Variants in TBC1D8B observed in about 807,000 individuals in gnomAD.
TBC1D8B encodes TBC1 domain family member 8B, also known as RP11-321G1.1.
A neutral mutation model predicts 82.9 loss-of-function variants in TBC1D8B; 75 were observed. That is an observed-to-expected ratio of 0.90 (90% CI 0.75 to 1.10). The LOEUF is 1.10. Ranked by LOEUF, TBC1D8B falls within the 50% of genes least tolerant of loss-of-function variation. The pLI, the probability that TBC1D8B is intolerant of heterozygous loss-of-function variation, is 0.00. For synonymous variants in TBC1D8B, 276 were observed against 276.8 expected (o/e 1.00, Z 0.03); for missense variants, 794 against 796.9 (o/e 1.00, Z 0.04).
chrX:106,857,523 A>G (rs1331080882), intron 14 of TBC1D8B, among the ~76,000 whole-genome samples: 1 of 111,206 alleles, frequency 9.0e-6, no homozygotes, highest in Non-Finnish European at 1.9e-5. Context: ...CACAGGTAAT[A>G]ATGGTACTCA....
In TBC1D8B at chrX:106,818,704, G is replaced by T. The variant is rs899689068; in HGVS notation, c.172G>T (p.Ala58Ser). 15 of 1,206,479 alleles carry T rather than the reference G, an allele frequency of 1.2e-5. No homozygotes were observed. The highest frequency in any genetic ancestry group is 1.7e-5 in the Non-Finnish European group (15 of 893,380). The change falls in exon 2 of 21, where the codon GCT becomes TCT. Residue 58 changes from alanine to serine, a missense_variant. Coordinates refer to ENST00000357242, the MANE Select transcript of TBC1D8B (RefSeq NM_017752.3). ...GTLDSVLDST[A>S]KVAPFRILHQ... ...TCTTGATTCAGTCTTGGACTCTACT[G>T]CTAAAGTAGCTCCATTTCGCATCCT...
At chrX:106,837,119 A>G (rs1932192852) in intron 7 of TBC1D8B, among the ~76,000 whole-genome samples, 1 of 112,239 alleles carries the variant, frequency 8.9e-6, no homozygotes, top group South Asian at 3.7e-4. Flanking sequence ...GTTAATCTTC[A>G]TGATCTTGAA....
Position 106,823,404 on chromosome X carries a change from T to TTTTGATAAGGAAACA in TBC1D8B, c.774_788dup (p.Lys258_Asp262dup), listed in dbSNP as rs1931752067. 1 of 1,208,687 alleles carries TTTTGATAAGGAAACA rather than the reference T, an allele frequency of 8.3e-7. No homozygotes were observed. Among genetic ancestry groups the TTTTGATAAGGAAACA allele is most frequent in the Non-Finnish European group, 1.1e-6 (1 of 894,290 alleles). ...TGGCAAACTATGCCATTAGAAGACTTTTTGATAAGGAAACATTTGATAATG... is the reference window on the plus strand; with the variant it reads ...TGGCAAACTATGCCATTAGAAGACTTTTTGATAAGGAAACATTTGATAAGGAAACATTTGATAATG... On this transcript the variant is annotated inframe_insertion, in exon 5 of 21. Coordinates refer to ENST00000357242, the MANE Select transcript of TBC1D8B (RefSeq NM_017752.3).
In TBC1D8B at chrX:106,875,396, C is replaced by T. The variant is rs1327189976; in HGVS notation, c.*1431C>T. On this transcript the variant is annotated 3_prime_UTR_variant, in exon 21 of 21. Transcript: ENST00000357242. The stretch of plus-strand genomic sequence containing the variant: ...CAAAGCTTAACACATGGGGCTTCAT[C>T]GCTCATAGAATATGTTATTTTCAAA... 1 of 111,659 alleles carries T rather than the reference C, an allele frequency of 9.0e-6. No individual in the cohort carries two copies. The highest frequency in any genetic ancestry group is 2.8e-4 in the East Asian group (1 of 3,556). The allele number at this position is 111,659 out of a possible 1,213,427, so 9.2% of individuals were successfully genotyped here. A position where few individuals can be genotyped will look rare whatever the true frequency, so the allele number is the denominator to read the frequency against.
In TBC1D8B at chrX:106,854,279, A is replaced by G. The variant is rs1425865306; in HGVS notation, c.2335A>G (p.Thr779Ala). Residue 779 changes from threonine to alanine, a missense_variant, in exon 14 of 21, where the codon ACA (threonine) becomes GCA (alanine). Coordinates refer to ENST00000357242, the MANE Select transcript of TBC1D8B (RefSeq NM_017752.3). ...GTATGTGATACAGACCCTAGAGGAA[A>G]CAACAAAACAGAATGTGGTAAGTAT... ...RLYVIQTLEE[T>A]TKQNVLRVVS... 8.5e-7 allele frequency: 1 copy of G among 1,178,669 alleles called. No homozygotes were observed. The highest frequency in any genetic ancestry group is 2.0e-5 in the South Asian group (1 of 50,726).
At chrX:106,815,862 G>C (rs993001406) in intron 1 of TBC1D8B, 3 of 111,321 alleles carry the variant, frequency 2.7e-5, no homozygotes, top group Admixed American at 9.6e-5. Flanking sequence ...ATTCAACAAC[G>C]CTTCATGCTA....
intron 7 of TBC1D8B, among the ~76,000 whole-genome samples, chrX:106,830,254 C>T (rs1335540719): frequency 9.8e-5 from 11 of 111,893 alleles, no homozygotes; most frequent in African/African-American, 3.3e-4. Flanking sequence ...GATACCATCT[C>T]ACACCAGTTA....
chrX:106,825,499 C>G (rs188535752), intron 5 of TBC1D8B, among the ~76,000 whole-genome samples: 39 of 111,929 alleles, frequency 3.5e-4, no homozygotes, highest in Non-Finnish European at 7.0e-4. Flanking sequence ...ATTATTTTAT[C>G]ATACTTCTAC....
At position 106,840,398 on chromosome X, in the gene TBC1D8B, C is replaced by G. The variant is rs892739037; in HGVS notation, c.1504+200C>G. ...TATCCACACATCCAGCATCTGAGCA[C>G]ATTAGTTTATTAGGCAAGATATGTA... On this transcript the variant is annotated intron_variant, in intron 9 of 20. Coordinates refer to ENST00000357242, the MANE Select transcript of TBC1D8B (RefSeq NM_017752.3). Among the ~76,000 whole-genome samples the G allele has an allele frequency of 7.2e-5, 8 of 111,237 alleles. No homozygotes were observed. The East Asian group carries it at 1.7e-3, about 24-fold the overall frequency.
intron 10 of TBC1D8B, among the ~76,000 whole-genome samples, chrX:106,846,191 C>T (rs1472059538): frequency 9.7e-6 from 1 of 103,225 alleles, no homozygotes; most frequent in Non-Finnish European, 2.0e-5. Flanking sequence ...ACCTCCACCT[C>T]CCAGGTTCAA....
rs1361744668 is a variant in TBC1D8B at position 106,873,812 on chromosome X, G to A, written c.3210G>A (p.Arg1070=). 8.3e-7 allele frequency: 1 copy of A among 1,211,818 alleles called. No individual in the cohort carries two copies. The highest frequency in any genetic ancestry group is 2.2e-5 in the Admixed American group (1 of 46,043). The change falls in exon 21 of 21, where the codon AGG becomes AGA. Residue 1070 remains arginine, a synonymous_variant. Coordinates refer to ENST00000357242, the MANE Select transcript of TBC1D8B (RefSeq NM_017752.3). The part of the protein sequence containing the change: ...SHLEKDPCSF[R]EEPQWSFAFE... ...TGGAGAAAGATCCTTGTTCCTTTAG[G>A]GAGGAACCTCAGTGGTCATTTGCAT...
intron 14 of TBC1D8B, among the ~76,000 whole-genome samples, chrX:106,864,022 A>C (rs1012453386): frequency 8.9e-6 from 1 of 111,927 alleles, no homozygotes; most frequent in African/African-American, 3.2e-5. Context: ...AGGGTGGACC[A>C]ATCCTACTGC....
chrX:106,807,227 A>G (rs1046751165), intron 1 of TBC1D8B, among the ~76,000 whole-genome samples: 3 of 106,108 alleles, frequency 2.8e-5, no homozygotes, highest in African/African-American at 1.0e-4. Context: ...CACACACACA[A>G]ACACACACAC....
rs1255382988 is a variant in TBC1D8B, at chrX:106,822,207, G to A, written c.586+5G>A. On this transcript the variant is annotated splice_donor_5th_base_variant and intron_variant, in intron 4 of 20. Coordinates refer to ENST00000357242, the MANE Select transcript of TBC1D8B (RefSeq NM_017752.3). ...CTTTTTTGTTGGGATCAGAAAGTAA[G>A]TGGTTTCTATTGCTTACTATGGCCT... The A allele has an allele frequency of 8.4e-7, 1 of 1,190,014 alleles. No individual in the cohort carries two copies. Among genetic ancestry groups the A allele is most frequent in the Admixed American group, 2.3e-5 (1 of 43,507 alleles).
chrX:106,869,473 CT>C lies in TBC1D8B; in HGVS notation c.2813-8del, dbSNP rs762846062. 2 of 1,203,137 alleles carry C rather than the reference CT, an allele frequency of 1.7e-6. No homozygotes were observed. Among genetic ancestry groups the C allele is most frequent in the Admixed American group, 4.4e-5 (2 of 45,676 alleles). Reference sequence around the variant, plus strand: ...AACATCTTACAGAATGCAATTACATCTTTTCTTATAGTTTCCAAGCCTGCAA... The same window carrying C: ...AACATCTTACAGAATGCAATTACATCTTTCTTATAGTTTCCAAGCCTGCAA... On this transcript the variant is annotated splice_polypyrimidine_tract_variant and intron_variant, in intron 18 of 20. Coordinates refer to ENST00000357242, the MANE Select transcript of TBC1D8B (RefSeq NM_017752.3).
intron 14 of TBC1D8B, among the ~76,000 whole-genome samples, chrX:106,861,948 C>T (rs1418673999): frequency 8.9e-6 from 1 of 111,843 alleles, no homozygotes; most frequent in Non-Finnish European, 1.9e-5. Context: ...ACATGAATTC[C>T]CTTAGCACTT....
intron 4 of TBC1D8B, 58 bp downstream of exon 4, chrX:106,822,260 TA>T (rs1400186978): frequency 1.1e-6 from 1 of 897,292 alleles, no homozygotes; most frequent in Non-Finnish European, 1.6e-6. Flanking sequence ...CTACCAACTC[TA>T]ATGATGTTAG....
chrX:106,849,104 A>C, intron 11 of TBC1D8B: 3 of 548,447 alleles, frequency 5.5e-6, no homozygotes, highest in Middle Eastern at 3.6e-4. Context: ...TCAAATATTT[A>C]CAGATCTGTG....
intron 1 of TBC1D8B, chrX:106,815,048 T>G (rs1162688242): frequency 9.0e-6 from 1 of 111,702 alleles, no homozygotes; most frequent in Non-Finnish European, 1.9e-5. Context: ...CTCTTTAGTT[T>G]AATTAGATCC....
Sources: allele counts gnomAD v4.1 joint callset (sites outside exome capture counted in the v4.1 genomes callset), GRCh38; gene constraint gnomAD v4.1.1; transcripts MANE v1.5; gene names NCBI Gene and HGNC (gene_info 2026-07-23, HGNC 2026-07-21).